The following GPC5 variants were observed in gnomAD, a reference collection of about 807,000 sequenced individuals.
GPC5 encodes glypican 5.
Under a neutral mutation model 53.9 loss-of-function variants are expected in GPC5, and 47 were observed. The ratio of observed to expected loss-of-function variants is 0.87; its 90% CI spans 0.69 to 1.11. The LOEUF is 1.11. Among genes scored for constraint, GPC5 ranks in the 50% most tolerant of loss-of-function variants. The pLI is 0.00. For synonymous variants in GPC5, 286 were observed against 263.3 expected, an observed-to-expected ratio of 1.09 and a Z score of -0.84; for missense variants, 748 against 713.1, an observed-to-expected ratio of 1.05 and a Z score of -0.56.
chr13:92,821,333 A>G (rs1877664831), intron 7 of GPC5, among the ~76,000 whole-genome samples: 1 of 152,196 alleles, frequency 6.6e-6, no homozygotes, highest in African/African-American at 2.4e-5. Context: ...CAATTTGTGT[A>G]ATTAGAATTA....
At chr13:92,620,000 T>C (rs1884819886) in intron 7 of GPC5, among the ~76,000 whole-genome samples, 2 of 152,064 alleles carry the variant, frequency 1.3e-5, no homozygotes, top group African/African-American at 4.8e-5. Context: ...CACTTTTCTT[T>C]AGAAAGACGG....
intron 7 of GPC5, among the ~76,000 whole-genome samples, chr13:92,574,230 CT>C (rs1883123525): frequency 1.3e-5 from 2 of 152,130 alleles, no homozygotes; most frequent in Non-Finnish European, 1.5e-5. Context: ...AAGGAAATGA[CT>C]TTTATCTAAA....
intron 7 of GPC5, among the ~76,000 whole-genome samples, chr13:92,701,768 C>G (rs931077439): frequency 6.6e-6 from 1 of 152,054 alleles, no homozygotes. Flanking sequence ...TTCTAGCAAT[C>G]TATTTTAGAA....
intron 2 of GPC5, among the ~76,000 whole-genome samples, chr13:91,643,374 A>G (rs985117062): frequency 2.1e-4 from 32 of 152,212 alleles, no homozygotes; most frequent in African/African-American, 7.7e-4. Context: ...TTAAGGCCTC[A>G]TTGTCCAATC....
intron 2 of GPC5, among the ~76,000 whole-genome samples, chr13:91,669,826 T>C (rs965611452): frequency 2.6e-5 from 4 of 152,194 alleles, no homozygotes; most frequent in Non-Finnish European, 5.9e-5. Flanking sequence ...CCTAAGCCCA[T>C]TTGATTGAAA....
At chr13:92,278,619 T>C (rs1234492475) in intron 7 of GPC5, among the ~76,000 whole-genome samples, 1 of 152,072 alleles carries the variant, frequency 6.6e-6, no homozygotes, top group African/African-American at 2.4e-5. Flanking sequence ...TGCCTGATCA[T>C]GAAGATTTAC....
intron 7 of GPC5, among the ~76,000 whole-genome samples, chr13:92,581,435 G>GTA (rs1883364263): frequency 1.3e-5 from 2 of 152,058 alleles, no homozygotes; most frequent in African/African-American, 4.8e-5. Context: ...ATTCCATTAT[G>GTA]TATATATACC....
intron 7 of GPC5, among the ~76,000 whole-genome samples, chr13:92,541,677 A>G (rs948084214): frequency 6.6e-6 from 1 of 151,818 alleles, no homozygotes; most frequent in African/African-American, 2.4e-5. Flanking sequence ...TTTTTGGAGA[A>G]TGTTCATGAC....
chr13:92,602,291 C>T (rs1025083407), intron 7 of GPC5, among the ~76,000 whole-genome samples: 1 of 137,576 alleles, frequency 7.3e-6, no homozygotes. Context: ...TTTATGAGTA[C>T]TCTGTAAAGA....
chr13:92,525,339 G>C (rs1367347112), intron 7 of GPC5, among the ~76,000 whole-genome samples: 14 of 151,866 alleles, frequency 9.2e-5, no homozygotes, highest in Non-Finnish European at 2.1e-4. Flanking sequence ...AATATCACAT[G>C]TTTTGAAGTG....
At chr13:92,577,365 T>C (rs909502378) in intron 7 of GPC5, among the ~76,000 whole-genome samples, 24 of 152,038 alleles carry the variant, frequency 1.6e-4, no homozygotes, top group Non-Finnish European at 3.4e-4. Context: ...TTCCAAATAC[T>C]ATATAGCTAG....
At chr13:92,762,193 T>A (rs544503528) in intron 7 of GPC5, among the ~76,000 whole-genome samples, 67 of 152,082 alleles carry the variant, frequency 4.4e-4, no homozygotes, top group African/African-American at 1.5e-3. Flanking sequence ...TAAAAAAAAA[T>A]CAGTCAAAAA....
chr13:92,267,243 A>G (rs1430548561), intron 7 of GPC5, among the ~76,000 whole-genome samples: 3 of 151,990 alleles, frequency 2.0e-5, no homozygotes, highest in Non-Finnish European at 1.5e-5. Context: ...TCTTCATAGC[A>G]AGGCTTTTTT....
intron 1 of GPC5, 48 bp from the exon 2 acceptor site, chr13:91,448,713 C>T (rs1023150476): frequency 3.8e-6 from 6 of 1,587,050 alleles, no homozygotes; most frequent in Non-Finnish European, 5.2e-6. Context: ...ATATGTAATA[C>T]TTGTTAAATG....
chr13:92,227,084 T>G (rs1004009745), intron 7 of GPC5, among the ~76,000 whole-genome samples: 1 of 152,182 alleles, frequency 6.6e-6, no homozygotes, highest in Non-Finnish European at 1.5e-5. Flanking sequence ...ATACTTTCCT[T>G]GTCTTCCTTC....
intron 2 of GPC5, among the ~76,000 whole-genome samples, chr13:91,474,731 A>C (rs1334892110): frequency 2.6e-5 from 4 of 152,178 alleles, no homozygotes; most frequent in Non-Finnish European, 5.9e-5. Flanking sequence ...GCCAGTTTTC[A>C]GAGGCTACCT....
chr13:92,321,352 G>T (rs552713488), intron 7 of GPC5, among the ~76,000 whole-genome samples: 1 of 152,324 alleles, frequency 6.6e-6, no homozygotes, highest in South Asian at 2.1e-4. Flanking sequence ...CCAACACTTG[G>T]GGAAGCCAAG....
intron 7 of GPC5, among the ~76,000 whole-genome samples, chr13:92,321,117 G>A (rs1328399527): frequency 1.3e-5 from 2 of 152,006 alleles, no homozygotes; most frequent in Non-Finnish European, 2.9e-5. Flanking sequence ...TTTAACACAT[G>A]GTGATGGCTT....
At chr13:91,598,623 T>A (rs1163367192) in intron 2 of GPC5, among the ~76,000 whole-genome samples, 1 of 152,016 alleles carries the variant, frequency 6.6e-6, no homozygotes, top group Non-Finnish European at 1.5e-5. Flanking sequence ...ACAGGAGCAT[T>A]GATTTCATAT....
Sources: allele counts gnomAD v4.1 joint callset (sites outside exome capture counted in the v4.1 genomes callset), GRCh38; gene constraint gnomAD v4.1.1; transcripts MANE v1.5; gene names NCBI Gene and HGNC (gene_info 2026-07-23, HGNC 2026-07-21).